Variants in ZNF343 observed in about 807,000 individuals in gnomAD.
The protein encoded by ZNF343 is zinc finger protein 343.
In ZNF343, 11 loss-of-function variants were observed where a neutral mutation model predicts 13.8. The observed-to-expected ratio is 0.80, with a 90% CI of 0.50 to 1.32. The LOEUF (loss-of-function observed/expected upper bound fraction) is 1.32. Among genes scored for constraint, ZNF343 ranks in the 40% most tolerant of loss-of-function variants. The pLI, the probability that ZNF343 is intolerant of heterozygous loss-of-function variation, is 0.00. For synonymous variants in ZNF343, 248 were observed against 260.0 expected, an observed-to-expected ratio of 0.95 and a Z score of 0.44; for missense variants, 658 against 714.2, an observed-to-expected ratio of 0.92 and a Z score of 0.90.
Position 2,484,414 on chromosome 20 carries a change from T to C in ZNF343, c.547A>G (p.Arg183Gly). ...CTTGAGGTTTCTCTCTCCTCTGTCC[T>C]TGCAGACCAGGGTTTGGAGCCACCT... ...RGGGSKPWSA[R>G]TEERETSRAF... The change falls in exon 6 of 6, where the codon AGG becomes GGG. Residue 183 changes from arginine to glycine, a missense_variant. Physicochemically the swap from Arg to Gly is moderately radical, Grantham distance 125. Transcript: ENST00000278772. 1 of 1,614,220 alleles carries C rather than the reference T, an allele frequency of 6.2e-7. No individual in the cohort carries two copies. Among genetic ancestry groups the C allele is most frequent in the East Asian group, 2.2e-5 (1 of 44,882 alleles).
chr20:2,499,552 A>T (rs1016860292), intron 2 of ZNF343, among the ~76,000 whole-genome samples: 2 of 151,000 alleles, frequency 1.3e-5, no homozygotes, highest in African/African-American at 4.9e-5. Context: ...CCTTCAGAGG[A>T]GCAACTTAAA....
Position 2,484,337 on chromosome 20 carries a change from G to A in ZNF343, c.624C>T (p.Asn208=). The A allele has an allele frequency of 6.8e-6, 11 of 1,614,204 alleles. No homozygotes were observed. Among genetic ancestry groups the A allele is most frequent in the Non-Finnish European group, 9.3e-6 (11 of 1,180,042 alleles). ...QRQSASPRKG[N]MVVETEPSSA... is the part of the protein sequence containing the mutation. ...AGCTGGGCTCTGTTTCTACCACCAT[G>A]TTGCCTTTTCTAGGACTTGCTGACT... The change falls in exon 6 of 6, where the codon AAC becomes AAT. Residue 208 remains asparagine (N), a synonymous_variant. Transcript: ENST00000278772.
intron 1 of ZNF343, among the ~76,000 whole-genome samples, chr20:2,503,952 C>CT (rs1410244886): frequency 6.6e-6 from 1 of 152,052 alleles, no homozygotes. Context: ...CAAGAAATAA[C>CT]TAAGATCAGA....
rs2085713506 is a variant in ZNF343, at chr20:2,508,859, G to A, written c.-237+22C>T. Reference sequence around the variant, plus strand: ...CGAGAGAGGGCATCCTGGGGCCAAGGAGCCGCGGAGGCCGCGCTCACCAGA... The same window carrying A: ...CGAGAGAGGGCATCCTGGGGCCAAGAAGCCGCGGAGGCCGCGCTCACCAGA... On this transcript the variant is annotated intron_variant, in intron 1 of 5. Transcript: ENST00000278772. This position sits in a 1 kb window ranked among gnomAD's most constrained non-coding sequence, Gnocchi z 4.5. The A allele has an allele frequency of 6.6e-6, 1 of 152,254 alleles. No homozygotes were observed. The highest frequency in any genetic ancestry group is 1.5e-5 in the Non-Finnish European group (1 of 68,072). The allele number at this position is 152,254 out of a possible 1,614,324, so 9.4% of individuals were successfully genotyped here.
intron 5 of ZNF343, among the ~76,000 whole-genome samples, chr20:2,489,875 C>T (rs11907550): frequency 5.3e-4 from 80 of 151,916 alleles, no homozygotes; most frequent in African/African-American, 1.9e-3. Context: ...AGACTCGGGC[C>T]GGGCTATGGC....
In ZNF343 at chr20:2,481,866, A is replaced by C. The variant is rs1161277264; in HGVS notation, c.*1295T>G. On this transcript the variant is annotated 3_prime_UTR_variant, in exon 6 of 6. Transcript: ENST00000278772. The stretch of plus-strand genomic sequence containing the variant: ...TGCTTTTTTATTTCATCTGATTCCA[A>C]GAAGTAGAAAAGAATGCTTATTTAA... 1.3e-5 allele frequency: 2 copies of C among 152,250 alleles called. No homozygotes were observed. Among genetic ancestry groups the C allele is most frequent in the Non-Finnish European group, 2.9e-5 (2 of 68,050 alleles). 9.4% of individuals were successfully genotyped at this position (152,250 alleles called of 1,614,324 possible). A position where few individuals can be genotyped will look rare whatever the true frequency, so the allele number is the denominator to read the frequency against.
In ZNF343 at chr20:2,483,997, C is replaced by G. The variant is rs761074801; in HGVS notation, c.964G>C (p.Glu322Gln). 1 of 1,614,186 alleles carries G rather than the reference C, an allele frequency of 6.2e-7. No individual in the cohort carries two copies. Among genetic ancestry groups the G allele is most frequent in the South Asian group, 1.1e-5 (1 of 91,082 alleles). ...CACTCCCTGCACAAATAAGGCTTCT[C>G]TTCTGAATGTGTTCTCTGGTGTCTG... ...LSRHQRTHSE[E>Q]KPYLCRECGQ... is the part of the protein sequence containing the mutation. Residue 322 changes from glutamate to glutamine, a missense_variant, in exon 6 of 6, where the codon GAG becomes CAG. Physicochemically the swap from Glu to Gln is conservative, Grantham distance 29. Transcript: ENST00000278772.
chr20:2,519,187 C>T (rs2085772499), intron 1 of ZNF343, among the ~76,000 whole-genome samples: 1 of 152,126 alleles, frequency 6.6e-6, no homozygotes, highest in South Asian at 2.1e-4. Flanking sequence ...CTTACTCCCT[C>T]AAATACCCCG....
intron 5 of ZNF343, among the ~76,000 whole-genome samples, chr20:2,489,511 C>T (rs998194943): frequency 2.6e-5 from 4 of 152,198 alleles, no homozygotes; most frequent in Non-Finnish European, 5.9e-5. Context: ...GAAGTTAATG[C>T]ACTTTCAAAC....
chr20:2,513,743 T>C (rs1336296942), upstream of ZNF343, among the ~76,000 whole-genome samples: 1 of 152,244 alleles, frequency 6.6e-6, no homozygotes, highest in African/African-American at 2.4e-5. Flanking sequence ...TGTTCATCAG[T>C]TGGTGAACAG....
chr20:2,520,250 A>G (rs2085776663), intron 1 of ZNF343, among the ~76,000 whole-genome samples: 1 of 152,190 alleles, frequency 6.6e-6, no homozygotes, highest in African/African-American at 2.4e-5. Context: ...TGTATATACT[A>G]TGAAGTTTAT....
At chr20:2,511,198 C>T (rs2085737831), upstream of ZNF343, among the ~76,000 whole-genome samples, 1 of 151,696 alleles carries the variant, frequency 6.6e-6, no homozygotes, top group Admixed American at 6.6e-5. Flanking sequence ...GTAGCCTCAA[C>T]CTCCTGGGCT....
At position 2,484,215 on chromosome 20, in the gene ZNF343, T is replaced by C; in HGVS notation, c.746A>G (p.Asp249Gly). The change falls in exon 6 of 6, where the codon GAC (aspartate) becomes GGC (glycine). Residue 249 changes from aspartate to glycine, a missense_variant. Transcript: ENST00000278772. ...AATAAAGTTTGATTCCAGGTTATGG[T>C]CCGGTTCATACTCTCTACAGTTGAT... ...GAINCREYEP[D>G]HNLESNFITN... 1 of 1,614,226 alleles carries C rather than the reference T, an allele frequency of 6.2e-7. No individual in the cohort carries two copies. The highest frequency in any genetic ancestry group is 8.5e-7 in the Non-Finnish European group (1 of 1,180,044).
At chr20:2,506,696 C>CA (rs1283234581) in intron 1 of ZNF343, among the ~76,000 whole-genome samples, 11 of 152,012 alleles carry the variant, frequency 7.2e-5, no homozygotes, top group African/African-American at 2.7e-4. Flanking sequence ...ATCACAAGGA[C>CA]AAAAAACCAA....
rs1342819970 is a variant in ZNF343, at chr20:2,492,923, T to C, written c.178-98A>G. ...ACCCTGGAGAGCCTGGATATGCAAG[T>C]TGATGTAATTCGTCAGAATATATGG... On this transcript the variant is annotated intron_variant, in intron 4 of 5. Coordinates refer to ENST00000278772, the MANE Select transcript of ZNF343 (RefSeq NM_024325.6). 4.6e-6 allele frequency: 7 copies of C among 1,529,680 alleles called. No homozygotes were observed. The East Asian group carries it at 1.4e-4, about 30-fold the overall frequency. The allele number at this position is 1,529,680 out of a possible 1,614,324, so 94.8% of individuals were successfully genotyped here. A position where few individuals can be genotyped will look rare whatever the true frequency, so the allele number is the denominator to read the frequency against.
At position 2,507,189 on chromosome 20, in the gene ZNF343, G is replaced by A. The variant is rs555303771; in HGVS notation, c.-237+1692C>T. On this transcript the variant is annotated intron_variant, in intron 1 of 5. Coordinates refer to ENST00000278772, the MANE Select transcript of ZNF343 (RefSeq NM_024325.6). ...TGAGACAGAAGAATCGCTTGAACCC[G>A]GGAGGTGGAGGTTGCGGTGAGCCGA... Among the ~76,000 whole-genome samples the A allele has an allele frequency of 1.9e-3, 290 of 151,706 alleles. 1 individual carries two copies. Among genetic ancestry groups the A allele is most frequent in the Middle Eastern group, 6.8e-3 (2 of 292 alleles).
At position 2,483,341 on chromosome 20, in the gene ZNF343, C is replaced by G. The variant is rs1600018157; in HGVS notation, c.1620G>C (p.Glu540Asp). The change falls in exon 6 of 6, where the codon GAG (glutamate) becomes GAC (aspartate). Residue 540 changes from glutamate (E) to aspartate (D), a missense_variant. Glu to Asp is a conservative substitution (Grantham distance 45). Coordinates refer to ENST00000278772, the MANE Select transcript of ZNF343 (RefSeq NM_024325.6). ...AAGGCTTCTCTCCTGAGTGTGTCCT[C>G]TCATGTACAATGAGGGTTGACTTGT... ...FCDKSTLIVH[E>D]RTHSGEKPYV... 6.2e-7 allele frequency: 1 copy of G among 1,612,084 alleles called. No individual in the cohort carries two copies. The highest frequency in any genetic ancestry group is 1.3e-5 in the African/African-American group (1 of 74,574).
In ZNF343 at chr20:2,484,636, A is replaced by G; in HGVS notation, c.325T>C (p.Tyr109His). The change falls in exon 6 of 6, where the codon TAC (tyrosine) becomes CAC (histidine). Residue 109 changes from tyrosine (Y) to histidine (H), a missense_variant. By Grantham distance (83) the Tyr-to-His change is moderately conservative. Transcript: ENST00000278772. ...LSLAEPKPEI[Y>H]TCSSCLLAFS... The stretch of plus-strand genomic sequence containing the variant: ...GCCAGAAGGCAGGAGGAACAAGTGT[A>G]GATTTCTGGCTTTGGTTCTGCTGAA... The G allele has an allele frequency of 6.3e-7, 1 of 1,599,512 alleles. No individual in the cohort carries two copies.
Position 2,490,495 on chromosome 20 carries a change from G to C in ZNF343, c.304+2204C>G, listed in dbSNP as rs1379530263. ...TGAACTAGGTCATTTGTTTGTGTGT[G>C]TGTTTGTTTGTTTGTTTGCTGTTTT... On this transcript the variant is annotated intron_variant, in intron 5 of 5. Transcript: ENST00000278772. Among the ~76,000 whole-genome samples, 55 of 151,658 alleles carry C rather than the reference G, an allele frequency of 3.6e-4. 1 individual carries two copies. Among genetic ancestry groups the C allele is most frequent in the Non-Finnish European group, 5.9e-5 (4 of 67,886 alleles).
Sources: gnomAD v4.1 joint callset for allele counts (sites outside exome capture counted in the v4.1 genomes callset) on GRCh38, gnomAD v4.1.1 for gene constraint, Gnocchi (gnomAD v3.1) non-coding constraint, MANE v1.5 for transcripts, NCBI Gene and HGNC (gene_info 2026-07-23, HGNC 2026-07-21) for gene names.